KCNJ3: variants seen among roughly 807,000 people sequenced by gnomAD.
KCNJ3 encodes potassium inwardly rectifying channel subfamily J member 3.
In KCNJ3, 4 loss-of-function variants were observed where a neutral mutation model predicts 39.2. That is an observed-to-expected ratio of 0.10 (90% CI 0.05 to 0.23). KCNJ3 has a LOEUF of 0.23. Ranked by LOEUF, KCNJ3 falls within the 10% of genes least tolerant of loss-of-function variation. The pLI is 1.00. For missense variants in KCNJ3, 276 were observed against 634.9 expected (o/e 0.43, Z 6.08); for synonymous variants, 230 against 237.4 (o/e 0.97, Z 0.29).
At chr2:154,792,657 G>A (rs111797617) in intron 2 of KCNJ3, among the ~76,000 whole-genome samples, 13 of 152,204 alleles carry the variant, frequency 8.5e-5, no homozygotes, top group African/African-American at 3.1e-4. Flanking sequence ...GTGTTTGCCA[G>A]GAGAATCATT....
At chr2:154,751,889 C>G (rs988057917) in intron 2 of KCNJ3, among the ~76,000 whole-genome samples, 5 of 151,898 alleles carry the variant, frequency 3.3e-5, no homozygotes, top group Admixed American at 6.6e-5. Flanking sequence ...ATAAAGACAA[C>G]AGTCATATTG....
At position 154,726,824 on chromosome 2, in the gene KCNJ3, CA is replaced by C. The variant is rs1558857534; in HGVS notation, c.919+17006del. Among the ~76,000 whole-genome samples the C allele has an allele frequency of 4.4e-4, 67 of 150,660 alleles. 1 individual carries two copies. The East Asian group carries it at 0.01, about 23-fold the overall frequency. ...ACACACACACACACACACACACACACACACACACACATACACCATGGAATAC... is the reference window on the plus strand; with the variant it reads ...ACACACACACACACACACACACACACCACACACACATACACCATGGAATAC... On this transcript the variant is annotated intron_variant, in intron 2 of 2. Transcript: ENST00000295101.
chr2:154,845,751 A>T (rs933402449), intron 2 of KCNJ3, among the ~76,000 whole-genome samples: 1 of 152,058 alleles, frequency 6.6e-6, no homozygotes, highest in Non-Finnish European at 1.5e-5. Flanking sequence ...CGGGTGGATC[A>T]CTTGAGGTCA....
chr2:154,705,186 G>T (rs1684981364), intron 1 of KCNJ3, among the ~76,000 whole-genome samples: 1 of 152,190 alleles, frequency 6.6e-6, no homozygotes, highest in Admixed American at 6.5e-5. Context: ...AGAGACGGGA[G>T]AGAGAGAGGT....
chr2:154,854,041 T>C (rs975350252), intron 2 of KCNJ3, among the ~76,000 whole-genome samples: 1 of 152,332 alleles, frequency 6.6e-6, no homozygotes, highest in Admixed American at 6.5e-5. Flanking sequence ...TTTCTTTTTC[T>C]AGCATATAAA....
chr2:154,701,299 T>G (rs957768071), intron 1 of KCNJ3, among the ~76,000 whole-genome samples: 1 of 152,160 alleles, frequency 6.6e-6, no homozygotes, highest in Non-Finnish European at 1.5e-5. Flanking sequence ...ACTGATGTAA[T>G]GGAAATTGAC....
chr2:154,845,320 T>C (rs1312173433), intron 2 of KCNJ3, among the ~76,000 whole-genome samples: 1 of 152,000 alleles, frequency 6.6e-6, no homozygotes, highest in East Asian at 2.0e-4. Flanking sequence ...GGTTTTACCA[T>C]GTTGTTCAGG....
chr2:154,701,434 C>A (rs1349897378), intron 1 of KCNJ3, among the ~76,000 whole-genome samples: 2 of 152,014 alleles, frequency 1.3e-5, no homozygotes, highest in Non-Finnish European at 2.9e-5. Context: ...CATTTTATTT[C>A]AACAAAGCCA....
At chr2:154,766,361 A>T (rs1686133380) in intron 2 of KCNJ3, among the ~76,000 whole-genome samples, 1 of 152,192 alleles carries the variant, frequency 6.6e-6, no homozygotes, top group South Asian at 2.1e-4. Context: ...TATCATTGTG[A>T]CCTGTAGAAT....
intron 2 of KCNJ3, among the ~76,000 whole-genome samples, chr2:154,728,983 T>C (rs1360307494): frequency 2.6e-5 from 4 of 152,176 alleles, no homozygotes; most frequent in Non-Finnish European, 5.9e-5. Flanking sequence ...GTAATTGTCA[T>C]TTTTGTCATC....
At chr2:154,731,920 G>A (rs1316441565) in intron 2 of KCNJ3, among the ~76,000 whole-genome samples, 1 of 151,966 alleles carries the variant, frequency 6.6e-6, no homozygotes, top group East Asian at 1.9e-4. Context: ...TGTAATGCTA[G>A]TATAGCAATA....
intron 2 of KCNJ3, among the ~76,000 whole-genome samples, chr2:154,715,994 T>C (rs1484969299): frequency 1.3e-5 from 2 of 152,186 alleles, no homozygotes; most frequent in African/African-American, 4.8e-5. Flanking sequence ...AAGGCACATA[T>C]ATATCTGCTG....
At chr2:154,782,037 G>A (rs1686448401) in intron 2 of KCNJ3, among the ~76,000 whole-genome samples, 3 of 152,154 alleles carry the variant, frequency 2.0e-5, no homozygotes, top group African/African-American at 7.2e-5. Context: ...TTTTGTCCGT[G>A]ATATTGAGGT....
chr2:154,841,398 T>TTTG (rs1206971431), intron 2 of KCNJ3, among the ~76,000 whole-genome samples: 1 of 152,208 alleles, frequency 6.6e-6, no homozygotes, highest in Non-Finnish European at 1.5e-5. Context: ...ATTCTCTTTT[T>TTTG]TTGTTGTGTC....
chr2:154,726,474 G>A (rs1685359905), intron 2 of KCNJ3, among the ~76,000 whole-genome samples: 1 of 151,982 alleles, frequency 6.6e-6, no homozygotes, highest in Non-Finnish European at 1.5e-5. Flanking sequence ...ATGTTAGTGT[G>A]GATGTGGTGA....
At position 154,857,969 on chromosome 2, in the gene KCNJ3, A is replaced by AC; in HGVS notation, c.*2656_*2657insC. 1 of 146,534 alleles carries AC rather than the reference A, an allele frequency of 6.8e-6. No homozygotes were observed. The highest frequency in any genetic ancestry group is 2.0e-4 in the East Asian group (1 of 5,042). The allele number at this position is 146,534 out of a possible 1,614,324, so 9.1% of individuals were successfully genotyped here. ...ACATAATGCAAAGTAACTGTGTGGA[A>AC]TAAAAATTGATTATTTTAGAAAATG... On this transcript the variant is annotated 3_prime_UTR_variant, in exon 3 of 3. Transcript: ENST00000295101.
chr2:154,699,405 G>T lies in KCNJ3; in HGVS notation c.630G>T (p.Thr210=). 1.9e-6 allele frequency: 3 copies of T among 1,607,276 alleles called. No homozygotes were observed. The highest frequency in any genetic ancestry group is 2.5e-6 in the Non-Finnish European group (3 of 1,179,986). ...AVISMRDGKL[T]LMFRVGNLRN... is the part of the protein sequence containing the mutation. The stretch of plus-strand genomic sequence containing the variant: ...TCTCCATGAGGGACGGAAAACTCAC[G>T]CTTATGTTCCGGGTGGGCAACCTGC... The change falls in exon 1 of 3, where the codon ACG becomes ACT. Residue 210 remains threonine (T), a synonymous_variant. Coordinates refer to ENST00000295101, the MANE Select transcript of KCNJ3 (RefSeq NM_002239.4). The surrounding 1 kb of genome is among the most constrained non-coding windows in gnomAD (Gnocchi z 6.4).
chr2:154,764,874 AT>A (rs1188026358), intron 2 of KCNJ3, among the ~76,000 whole-genome samples: 1 of 151,468 alleles, frequency 6.6e-6, no homozygotes, highest in Non-Finnish European at 1.5e-5. Context: ...TGGATGCCCC[AT>A]GCTTTTTGTA....
At chr2:154,740,689 T>A (rs1685638714) in intron 2 of KCNJ3, among the ~76,000 whole-genome samples, 1 of 151,946 alleles carries the variant, frequency 6.6e-6, no homozygotes, top group Admixed American at 6.6e-5. Flanking sequence ...CTTTTTAATC[T>A]CCTTTCTATA....
Sources: gnomAD v4.1 joint callset for allele counts (sites outside exome capture counted in the v4.1 genomes callset) on GRCh38, gnomAD v4.1.1 for gene constraint, Gnocchi (gnomAD v3.1) non-coding constraint, MANE v1.5 for transcripts, NCBI Gene and HGNC (gene_info 2026-07-23, HGNC 2026-07-21) for gene names.